The following MTR variants were observed in gnomAD, a reference collection of about 807,000 sequenced individuals.
MTR encodes the protein 5-methyltetrahydrofolate-homocysteine methyltransferase.
Under a neutral mutation model 154.8 loss-of-function variants are expected in MTR, and 84 were observed. The observed-to-expected ratio is 0.54, with a 90% CI of 0.45 to 0.65. The LOEUF (loss-of-function observed/expected upper bound fraction) is 0.65. MTR is among the 30% of genes least tolerant of loss of function. The pLI is 0.00. For synonymous variants in MTR, 554 were observed against 553.9 expected, an observed-to-expected ratio of 1.00 and a Z score of 0.00; for missense variants, 1,275 against 1,570.2, an observed-to-expected ratio of 0.81 and a Z score of 3.18.
At chr1:236,842,517 C>G (rs745616566) in intron 15 of MTR, among the ~76,000 whole-genome samples, 18 of 152,184 alleles carry the variant, frequency 1.2e-4, no homozygotes, top group Non-Finnish European at 1.8e-4. Flanking sequence ...CTACATTTAT[C>G]CTCCAAACCG....
chr1:236,891,761 A>G (rs547575600), intron 29 of MTR, among the ~76,000 whole-genome samples: 2 of 152,344 alleles, frequency 1.3e-5, no homozygotes, highest in South Asian at 4.2e-4. Context: ...AAACATTTGC[A>G]GAATGTATAC....
chr1:236,854,181 C>T (rs1227947389), intron 18 of MTR, among the ~76,000 whole-genome samples: 1 of 152,182 alleles, frequency 6.6e-6, no homozygotes, highest in Non-Finnish European at 1.5e-5. Context: ...TAACCACATC[C>T]TTGTTTTATC....
At chr1:236,894,329 G>T (rs756204956) in intron 29 of MTR, 28 bp from the exon 30 acceptor site, 2 of 1,611,954 alleles carry the variant, frequency 1.2e-6, no homozygotes, top group African/African-American at 1.3e-5. Flanking sequence ...CGGCGCCCCC[G>T]CACACTCCTA....
intron 12 of MTR, among the ~76,000 whole-genome samples, chr1:236,830,928 C>A (rs1283273658): frequency 6.6e-6 from 1 of 152,202 alleles, no homozygotes; most frequent in Non-Finnish European, 1.5e-5. Flanking sequence ...TTCCTCAGCT[C>A]ATGCTTTGGC....
Position 236,795,397 on chromosome 1 carries a change from C to A in MTR, c.-307C>A, listed in dbSNP as rs369473911. On this transcript the variant is annotated 5_prime_UTR_variant, in exon 1 of 33. Transcript: ENST00000366577. ...TCTCTTGGGTCCTTTTCCGTGCCGT[C>A]CCGCGACTCCGCCTCTGGCCGCGCG... is the stretch of plus-strand genomic sequence containing the variant. The A allele has an allele frequency of 7.0e-7, 1 of 1,434,192 alleles. No homozygotes were observed. The highest frequency in any genetic ancestry group is 9.2e-7 in the Non-Finnish European group (1 of 1,081,832). 88.8% of individuals were successfully genotyped at this position (1,434,192 alleles called of 1,614,324 possible).
intron 24 of MTR, among the ~76,000 whole-genome samples, chr1:236,876,837 T>C (rs1282873552): frequency 1.3e-5 from 2 of 152,202 alleles, no homozygotes; most frequent in Non-Finnish European, 2.9e-5. Flanking sequence ...AGATAGGAAA[T>C]CACCAACATC....
intron 8 of MTR, chr1:236,819,920 AGCCACTCCAGTT>A (rs1661822430): frequency 1.0e-6 from 1 of 984,832 alleles, no homozygotes; most frequent in African/African-American, 1.6e-5. Context: ...CTGCCACTGG[AGCCACTCCAGTT>A]GCTGGCCGCT....
At chr1:236,862,432 G>T (rs1175511325) in intron 21 of MTR, 89 bp downstream of exon 21, 11 of 1,040,412 alleles carry the variant, frequency 1.1e-5, no homozygotes, top group Non-Finnish European at 1.4e-5. Context: ...GTCAGGGTTG[G>T]CTGTGTTCGT....
At chr1:236,895,709 T>C (rs111685080) in intron 31 of MTR, among the ~76,000 whole-genome samples, 159 bp downstream of exon 31, 1,959 of 151,902 alleles carry the variant, frequency 0.013, 18 homozygotes, top group Non-Finnish European at 0.018. Flanking sequence ...TTCTGCATTT[T>C]ACTTCAGTAT....
intron 18 of MTR, among the ~76,000 whole-genome samples, chr1:236,858,427 A>G (rs1054392754): frequency 6.6e-6 from 1 of 152,198 alleles, no homozygotes; most frequent in African/African-American, 2.4e-5. Flanking sequence ...GGGAGCTACA[A>G]TTCAAGATGA....
chr1:236,873,860 T>G lies in MTR; in HGVS notation c.2473+20T>G. On this transcript the variant is annotated intron_variant, in intron 23 of 32. Transcript: ENST00000366577. The stretch of plus-strand genomic sequence containing the variant: ...AAGCAGGTACTGTGCAACTATACTT[T>G]GGGCATTTCTCTAAATGTCATATCC... The G allele has an allele frequency of 6.2e-7, 1 of 1,610,328 alleles. No homozygotes were observed. Among genetic ancestry groups the G allele is most frequent in the East Asian group, 2.2e-5 (1 of 44,854 alleles).
intron 18 of MTR, among the ~76,000 whole-genome samples, chr1:236,858,266 A>T (rs1246501986): frequency 6.6e-6 from 1 of 152,202 alleles, no homozygotes; most frequent in Non-Finnish European, 1.5e-5. Flanking sequence ...ATGACAGCAG[A>T]TAAGAGAGGG....
chr1:236,839,216 AAACTT>A (rs1434347475), intron 15 of MTR, among the ~76,000 whole-genome samples: 1 of 152,332 alleles, frequency 6.6e-6, no homozygotes, highest in East Asian at 1.9e-4. Context: ...GGAAGAAAAT[AAACTT>A]AGATTCCCAT....
At chr1:236,834,419 A>T (rs1306729138) in intron 13 of MTR, among the ~76,000 whole-genome samples, 1 of 152,164 alleles carries the variant, frequency 6.6e-6, no homozygotes, top group Non-Finnish European at 1.5e-5. Context: ...ACCTCAAGTG[A>T]TCTGCCTGTC....
At chr1:236,876,776 T>C (rs1468849426) in intron 24 of MTR, among the ~76,000 whole-genome samples, 2 of 152,212 alleles carry the variant, frequency 1.3e-5, no homozygotes, top group Admixed American at 1.3e-4. Context: ...AAAATTAGCT[T>C]GCTAATGATT....
At chr1:236,809,120 G>A (rs985439372) in intron 4 of MTR, among the ~76,000 whole-genome samples, 5 of 152,140 alleles carry the variant, frequency 3.3e-5, no homozygotes, top group African/African-American at 1.2e-4. Context: ...GTAACAGCTG[G>A]CTGTTTTGAT....
intron 31 of MTR, 64 bp from the exon 32 acceptor site, chr1:236,896,942 C>A (rs551461117): frequency 7.5e-5 from 91 of 1,206,484 alleles, no homozygotes; most frequent in Middle Eastern, 3.8e-4. Context: ...TGAGTGCCTG[C>A]TAGCTGCAGG....
At chr1:236,861,097 C>CTTTTTTTTTTTTTTTT (rs397974349) in intron 19 of MTR, 28 bp from the exon 20 acceptor site, 125 of 1,159,610 alleles carry the variant, frequency 1.1e-4, no homozygotes, top group South Asian at 4.8e-4. Context: ...CTTTCTTTTT[C>CTTTTTTTTTTTTTTTT]TTTTTTTTTT....
intron 22 of MTR, among the ~76,000 whole-genome samples, chr1:236,871,556 TGA>T (rs1302658327): frequency 3.9e-5 from 6 of 152,224 alleles, no homozygotes; most frequent in African/African-American, 1.4e-4. Flanking sequence ...CTTTTTGTCT[TGA>T]TTTAAAAGCA....
Sources: allele counts gnomAD v4.1 joint callset (sites outside exome capture counted in the v4.1 genomes callset), GRCh38; gene constraint gnomAD v4.1.1; transcripts MANE v1.5; gene names NCBI Gene and HGNC (gene_info 2026-07-23, HGNC 2026-07-21).